The following KCNMA1 variants were observed in gnomAD, a reference collection of about 807,000 sequenced individuals.
KCNMA1 encodes the protein Calcium-activated potassium channel subunit alpha-1.
KCNMA1 carries 29 observed loss-of-function variants against 140.0 expected under a neutral mutation model. That is an observed-to-expected ratio of 0.21 (90% CI 0.15 to 0.28). KCNMA1 has a LOEUF of 0.28. Among genes scored for constraint, KCNMA1 ranks in the 10% least tolerant of loss-of-function variants. The pLI, the probability that KCNMA1 is intolerant of heterozygous loss-of-function variation, is 1.00. For synonymous variants in KCNMA1, 612 were observed against 611.9 expected, an observed-to-expected ratio of 1.00 and a Z score of 0.00; for missense variants, 880 against 1,602.2, an observed-to-expected ratio of 0.55 and a Z score of 7.70.
intron 1 of KCNMA1, among the ~76,000 whole-genome samples, chr10:77,610,435 C>T (rs1016842148): frequency 3.3e-5 from 5 of 152,250 alleles, no homozygotes; most frequent in African/African-American, 7.2e-5. Flanking sequence ...GCCGCAGCCT[C>T]GGGCTGCCCC....
At chr10:77,570,794 G>T (rs996439742) in intron 1 of KCNMA1, among the ~76,000 whole-genome samples, 1 of 151,964 alleles carries the variant, frequency 6.6e-6, no homozygotes, top group Non-Finnish European at 1.5e-5. Flanking sequence ...AGCCAGGTGT[G>T]GTGGCACATG....
intron 18 of KCNMA1, among the ~76,000 whole-genome samples, chr10:77,003,790 C>T (rs1274304540): frequency 6.6e-6 from 1 of 152,018 alleles, no homozygotes; most frequent in East Asian, 1.9e-4. Context: ...TATAAATATA[C>T]CGTCTTTAAG....
chr10:77,429,907 G>A (rs563831188), intron 1 of KCNMA1, among the ~76,000 whole-genome samples: 23 of 152,224 alleles, frequency 1.5e-4, no homozygotes, highest in African/African-American at 5.5e-4. Context: ...TAAGAGATGA[G>A]TGTCAGAGCC....
At chr10:77,254,192 A>G (rs1430014567) in intron 2 of KCNMA1, among the ~76,000 whole-genome samples, 1 of 150,934 alleles carries the variant, frequency 6.6e-6, no homozygotes, top group Non-Finnish European at 1.5e-5. Context: ...AAAACAGAAG[A>G]TGGGAGGCCA....
chr10:77,270,983 C>T (rs2064966486), intron 2 of KCNMA1, among the ~76,000 whole-genome samples: 1 of 152,166 alleles, frequency 6.6e-6, no homozygotes, highest in Non-Finnish European at 1.5e-5. Flanking sequence ...TTTACTTCAA[C>T]ATGTCATTAA....
chr10:77,058,591 A>G (rs943136479), intron 14 of KCNMA1, among the ~76,000 whole-genome samples: 1 of 152,174 alleles, frequency 6.6e-6, no homozygotes, highest in Non-Finnish European at 1.5e-5. Flanking sequence ...CAGACTACAA[A>G]TCAATAATAG....
At chr10:77,028,204 G>A (rs942718754) in intron 15 of KCNMA1, among the ~76,000 whole-genome samples, 5 of 152,118 alleles carry the variant, frequency 3.3e-5, no homozygotes, top group Admixed American at 6.5e-5. Context: ...TTAGTTACTC[G>A]GTCGGGTAGT....
intron 1 of KCNMA1, among the ~76,000 whole-genome samples, chr10:77,420,146 G>A (rs936678235): frequency 1.3e-5 from 2 of 152,186 alleles, no homozygotes; most frequent in African/African-American, 2.4e-5. Context: ...CACTGCTGAG[G>A]GTAACTCATG....
At chr10:77,214,172 A>G (rs2046986177) in intron 3 of KCNMA1, among the ~76,000 whole-genome samples, 1 of 152,186 alleles carries the variant, frequency 6.6e-6, no homozygotes, top group Non-Finnish European at 1.5e-5. Context: ...CTGCAAATTG[A>G]CACTCCATAC....
intron 23 of KCNMA1, among the ~76,000 whole-genome samples, chr10:76,927,085 T>C (rs957299398): frequency 6.6e-6 from 1 of 152,166 alleles, no homozygotes; most frequent in Non-Finnish European, 1.5e-5. Flanking sequence ...CTTTGAGATT[T>C]ATGTCTCTTT....
intron 6 of KCNMA1, among the ~76,000 whole-genome samples, chr10:77,116,837 G>A (rs1461054317): frequency 1.3e-5 from 2 of 152,108 alleles, no homozygotes; most frequent in African/African-American, 2.4e-5. Flanking sequence ...ACAACTGTTG[G>A]AATAGTGGAT....
chr10:77,429,278 C>T (rs1369477124), intron 1 of KCNMA1, among the ~76,000 whole-genome samples: 2 of 152,166 alleles, frequency 1.3e-5, no homozygotes, highest in Non-Finnish European at 2.9e-5. Context: ...TTCTCAACCT[C>T]AGCACAATTG....
chr10:77,290,692 C>T (rs145998287), intron 2 of KCNMA1, among the ~76,000 whole-genome samples: 164 of 152,172 alleles, frequency 1.1e-3, no homozygotes, highest in East Asian at 7.5e-3. Flanking sequence ...TCTGATCTGG[C>T]GGGAAATTCC....
Position 77,087,408 on chromosome 10 carries a change from C to T in KCNMA1, c.1335-815G>A, listed in dbSNP as rs553353601. Among the ~76,000 whole-genome samples, 2 of 152,154 alleles carry T rather than the reference C, an allele frequency of 1.3e-5. 1 individual carries two copies. Among genetic ancestry groups the T allele is most frequent in the South Asian group, 4.2e-4 (2 of 4,746 alleles). On this transcript the variant is annotated intron_variant, in intron 10 of 27. Coordinates refer to ENST00000286628, the MANE Select transcript of KCNMA1 (RefSeq NM_001161352.2). The stretch of plus-strand genomic sequence containing the variant: ...TATTGATATATATATTTCCTATTGA[C>T]TCTGTTTCACTGGAGAGCCCTGACT...
chr10:77,279,507 C>A (rs1301658443), intron 2 of KCNMA1, among the ~76,000 whole-genome samples: 1 of 152,204 alleles, frequency 6.6e-6, no homozygotes, highest in African/African-American at 2.4e-5. Flanking sequence ...ACACACTTTA[C>A]AAATAACACT....
intron 20 of KCNMA1, among the ~76,000 whole-genome samples, chr10:76,967,877 C>A (rs891468787): frequency 6.6e-6 from 1 of 152,182 alleles, no homozygotes; most frequent in Non-Finnish European, 1.5e-5. Context: ...AGGATGACTG[C>A]CTCCCTCAGC....
chr10:77,442,651 G>C (rs2097433078), intron 1 of KCNMA1, among the ~76,000 whole-genome samples: 1 of 152,134 alleles, frequency 6.6e-6, no homozygotes, highest in African/African-American at 2.4e-5. Context: ...TTGTCATCTA[G>C]AGCCTGGCAC....
In KCNMA1 at chr10:76,953,902, C is replaced by G. The variant is rs1249629399; in HGVS notation, c.2383G>C (p.Gly795Arg). The G allele has an allele frequency of 1.2e-6, 2 of 1,613,892 alleles. No individual in the cohort carries two copies. The highest frequency in any genetic ancestry group is 2.7e-5 in the African/African-American group (2 of 74,894). ...TCCATGTTGTCAATCTGATCATTGC[C>G]AGGAATTAACAAGGGGTCATGCCTG... ...LMRHDPLLIP[G>R]NDQIDNMDSN... The change falls in exon 21 of 28, where the codon GGC (glycine) becomes CGC (arginine). Residue 795 changes from glycine to arginine, a missense_variant. This residue lies in a region of KCNMA1 where 196 missense variants were observed against 233.0 expected (regional missense o/e 0.84). Transcript: ENST00000286628.
intron 23 of KCNMA1, among the ~76,000 whole-genome samples, chr10:76,915,607 A>ATTTG (rs535599042): frequency 1.1e-4 from 16 of 152,164 alleles, no homozygotes; most frequent in African/African-American, 3.1e-4. Flanking sequence ...AGCCGCTGAG[A>ATTTG]TTTGTTTGTT....
Sources: gnomAD v4.1 joint callset for allele counts (sites outside exome capture counted in the v4.1 genomes callset) on GRCh38, gnomAD v4.1.1 for gene constraint, gnomAD v4.1.1 regional missense constraint, MANE v1.5 for transcripts, NCBI Gene and HGNC (gene_info 2026-07-23, HGNC 2026-07-21) for gene names.